Variants in TRIM33 observed in about 807,000 individuals in gnomAD.
The protein encoded by TRIM33 is E3 ubiquitin-protein ligase TRIM33.
In TRIM33, 20 loss-of-function variants were observed where a neutral mutation model predicts 125.4. That is an observed-to-expected ratio of 0.16 (90% CI 0.11 to 0.23). TRIM33 has a LOEUF of 0.23. Ranked by LOEUF, TRIM33 falls within the 10% of genes least tolerant of loss-of-function variation. The pLI, the probability that TRIM33 is intolerant of heterozygous loss-of-function variation, is 1.00. For missense variants in TRIM33, 920 were observed against 1,411.4 expected, an observed-to-expected ratio of 0.65 and a Z score of 5.58; for synonymous variants, 564 against 513.9, an observed-to-expected ratio of 1.10 and a Z score of -1.32.
At chr1:114,410,769 C>T (rs550634310) in intron 11 of TRIM33, among the ~76,000 whole-genome samples, 1 of 133,734 alleles carries the variant, frequency 7.5e-6, no homozygotes, top group Non-Finnish European at 1.6e-5. Context: ...CACACAAGGC[C>T]CCTTACTACA....
Position 114,435,905 on chromosome 1 carries a change from T to TTA in TRIM33, c.924-2173_924-2172insTA, listed in dbSNP as rs1302416798. On this transcript the variant is annotated intron_variant, in intron 4 of 19. Coordinates refer to ENST00000358465, the MANE Select transcript of TRIM33 (RefSeq NM_015906.4). ...TTTTTTTTTTTTTTTTTTTTTTTTT[T>TTA]ACTTTTTTGTAGAGATGAAGTCTTG... Among the ~76,000 whole-genome samples, 4 of 137,266 alleles carry TTA rather than the reference T, an allele frequency of 2.9e-5. 1 individual carries two copies. The South Asian group carries it at 9.4e-4, about 32-fold the overall frequency. The allele number at this position is 137,266 out of a possible 152,430, so 90.1% of individuals were successfully genotyped here.
At chr1:114,461,959 A>G (rs57840440) in intron 4 of TRIM33, among the ~76,000 whole-genome samples, 2,526 of 152,314 alleles carry the variant, frequency 0.017, 58 homozygotes, top group African/African-American at 0.052. Context: ...ACCTTTATAT[A>G]GTCAAATTTG....
In TRIM33 at chr1:114,395,779, AAAGG is replaced by A. The variant is rs1437140580; in HGVS notation, c.*1865_*1868del. 1 of 190,256 alleles carries A rather than the reference AAAGG, an allele frequency of 5.3e-6. No individual in the cohort carries two copies. Among genetic ancestry groups the A allele is most frequent in the East Asian group, 8.4e-5 (1 of 11,900 alleles). 11.8% of individuals were successfully genotyped at this position (190,256 alleles called of 1,614,324 possible). A position where few individuals can be genotyped will look rare whatever the true frequency, so the allele number is the denominator to read the frequency against. On this transcript the variant is annotated 3_prime_UTR_variant, in exon 20 of 20. Transcript: ENST00000358465. The stretch of plus-strand genomic sequence containing the variant: ...TTTTTAAAAATTGAAAGAAAAGTGA[AAAGG>A]AAGCCAGGAATAAAGTAAATCAATA...
chr1:114,458,406 G>A (rs559256970), intron 4 of TRIM33, among the ~76,000 whole-genome samples: 1 of 152,184 alleles, frequency 6.6e-6, no homozygotes, highest in South Asian at 2.1e-4. Context: ...CATTCTGCTG[G>A]ACTAACTGCT....
In TRIM33 at chr1:114,448,439, C is replaced by T. The variant is rs115553611; in HGVS notation, c.923+14665G>A. Among the ~76,000 whole-genome samples, 1,239 of 152,266 alleles carry T rather than the reference C, an allele frequency of 8.1e-3. 10 individuals carry two copies. Among genetic ancestry groups the T allele is most frequent in the Non-Finnish European group, 0.013 (917 of 68,020 alleles). ...AATATACAATATGACTTCCAGACAACATTAACGGTCTACTTGAGGGAAGTG... is the reference window on the plus strand; with the variant it reads ...AATATACAATATGACTTCCAGACAATATTAACGGTCTACTTGAGGGAAGTG... On this transcript the variant is annotated intron_variant, in intron 4 of 19. Transcript: ENST00000358465.
intron 16 of TRIM33, 104 bp from the exon 17 acceptor site, chr1:114,401,567 GAAC>G (rs1572006458): frequency 2.4e-6 from 2 of 841,774 alleles, no homozygotes; most frequent in Non-Finnish European, 3.7e-6. Context: ...ACAACAAACT[GAAC>G]ACAAGCCCCC....
At chr1:114,428,041 C>G (rs2101170660) in intron 6 of TRIM33, 147 bp from the exon 7 acceptor site, 1 of 810,294 alleles carries the variant, frequency 1.2e-6, no homozygotes, top group East Asian at 2.7e-5. Flanking sequence ...AGCCTATCAT[C>G]AGAGGAAAAG....
chr1:114,488,263 G>C (rs1026577561), intron 1 of TRIM33, among the ~76,000 whole-genome samples: 13 of 152,164 alleles, frequency 8.5e-5, no homozygotes, highest in African/African-American at 2.9e-4. Context: ...ACGAAGTCAA[G>C]AGAAACAAAG....
At chr1:114,507,995 C>T (rs978181638) in intron 1 of TRIM33, among the ~76,000 whole-genome samples, 2 of 152,036 alleles carry the variant, frequency 1.3e-5, no homozygotes, top group Admixed American at 1.3e-4. Flanking sequence ...TATGCGCCTG[C>T]AATCTCAGCT....
At chr1:114,420,335 C>G (rs1345811256) in intron 11 of TRIM33, 4 of 1,166,260 alleles carry the variant, frequency 3.4e-6, no homozygotes, top group Admixed American at 2.3e-5. Flanking sequence ...CTCAGCCCAA[C>G]TGACTACCCC....
At chr1:114,450,555 G>T (rs1203779261) in intron 4 of TRIM33, among the ~76,000 whole-genome samples, 3 of 151,862 alleles carry the variant, frequency 2.0e-5, no homozygotes, top group South Asian at 2.1e-4. Flanking sequence ...AAATTTACTA[G>T]AATTTTTTTG....
At chr1:114,471,328 C>A (rs186206796) in intron 1 of TRIM33, among the ~76,000 whole-genome samples, 2 of 152,080 alleles carry the variant, frequency 1.3e-5, no homozygotes, top group East Asian at 3.9e-4. Context: ...CTAGTCCCAG[C>A]TACTCGGGAG....
intron 1 of TRIM33, among the ~76,000 whole-genome samples, chr1:114,498,617 A>G (rs1459466121): frequency 2.0e-5 from 3 of 152,056 alleles, no homozygotes; most frequent in African/African-American, 7.2e-5. Context: ...GGGTGACAGA[A>G]TGAGACTCCA....
At chr1:114,413,558 C>CAAAAAAA (rs34268626) in intron 11 of TRIM33, among the ~76,000 whole-genome samples, 54 of 40,732 alleles carry the variant, frequency 1.3e-3, no homozygotes, top group African/African-American at 2.9e-3. Flanking sequence ...AACTCCATCT[C>CAAAAAAA]AAAAAAAAAA....
chr1:114,447,653 A>G (rs909897430), intron 4 of TRIM33, among the ~76,000 whole-genome samples: 3 of 152,188 alleles, frequency 2.0e-5, no homozygotes, highest in African/African-American at 7.2e-5. Context: ...AATGGTGTAA[A>G]CCCTCGTACA....
At chr1:114,406,879 G>A (rs779592425) in intron 14 of TRIM33, 62 bp downstream of exon 14, 1 of 1,523,982 alleles carries the variant, frequency 6.6e-7, no homozygotes, top group Non-Finnish European at 9.0e-7. Flanking sequence ...AATATACTCA[G>A]AGCTGAAAGA....
At chr1:114,455,007 TA>T (rs1175386500) in intron 4 of TRIM33, among the ~76,000 whole-genome samples, 2 of 152,156 alleles carry the variant, frequency 1.3e-5, no homozygotes, top group Non-Finnish European at 2.9e-5. Context: ...AAACCTTTAC[TA>T]AAATGGACTG....
chr1:114,465,616 CAT>C (rs1204281242), intron 1 of TRIM33, among the ~76,000 whole-genome samples: 2 of 151,892 alleles, frequency 1.3e-5, no homozygotes, highest in East Asian at 3.9e-4. Flanking sequence ...GCCTGGACAA[CAT>C]AGTGAGACGC....
chr1:114,506,845 T>C (rs1271942907), intron 1 of TRIM33, among the ~76,000 whole-genome samples: 1 of 152,176 alleles, frequency 6.6e-6, no homozygotes, highest in Non-Finnish European at 1.5e-5. Context: ...AATATTTAAA[T>C]CTGTGTTCCT....
Sources: allele counts gnomAD v4.1 joint callset (sites outside exome capture counted in the v4.1 genomes callset), GRCh38; gene constraint gnomAD v4.1.1; transcripts MANE v1.5; gene names NCBI Gene and HGNC (gene_info 2026-07-23, HGNC 2026-07-21).